RIMBP2: variants seen among roughly 807,000 people sequenced by gnomAD.
The protein encoded by RIMBP2 is RIMS binding protein 2, also known as RIMS-binding protein 2.
Under a neutral mutation model 118.6 loss-of-function variants are expected in RIMBP2, and 48 were observed. The observed-to-expected ratio is 0.40, with a 90% confidence interval of 0.32 to 0.51. The LOEUF is 0.51. Ranked by LOEUF, RIMBP2 falls within the 20% of genes least tolerant of loss-of-function variation. The pLI is 0.41. For missense variants in RIMBP2, 1,551 were observed against 1,768.3 expected (o/e 0.88, Z 2.20); for synonymous variants, 762 against 742.9 (o/e 1.03, Z -0.42).
At chr12:130,547,831 G>A (rs955860827) in intron 2 of RIMBP2, among the ~76,000 whole-genome samples, 5 of 152,172 alleles carry the variant, frequency 3.3e-5, no homozygotes, top group South Asian at 2.1e-4. Flanking sequence ...CAGTGAAGAC[G>A]GATTAGAGAA....
intron 2 of RIMBP2, among the ~76,000 whole-genome samples, chr12:130,587,124 A>C (rs1235917610): frequency 6.7e-6 from 1 of 149,724 alleles, no homozygotes; most frequent in Non-Finnish European, 1.5e-5. Flanking sequence ...CAAAACCACA[A>C]TGAGATACCA....
At chr12:130,554,426 A>C (rs1209893863) in intron 2 of RIMBP2, among the ~76,000 whole-genome samples, 1 of 152,214 alleles carries the variant, frequency 6.6e-6, no homozygotes, top group Non-Finnish European at 1.5e-5. Context: ...TAGAGAGTGC[A>C]TCTGAACTAG....
Position 130,438,490 on chromosome 12 carries a change from T to C in RIMBP2, c.1531A>G (p.Thr511Ala), listed in dbSNP as rs765724606. ...GCGGGGGTCACCCCAGCCTGGACGG[T>C]AACATCTTGTGGGGGTGCTGGGGGT... ...AGPPAPPQDVTVQAGVTPATI... is the reference protein window; with the variant it reads ...AGPPAPPQDVAVQAGVTPATI... The change falls in exon 12 of 23, where the codon ACC (threonine) becomes GCC (alanine). Residue 511 changes from threonine (T) to alanine (A), a missense_variant. Physicochemically the swap from Thr to Ala is moderately conservative, Grantham distance 58 (BLOSUM62 0). This residue lies in a region of RIMBP2 where 1,038 missense variants were observed against 1,125.1 expected (regional missense o/e 0.92). Transcript: ENST00000690449. 6.2e-7 allele frequency: 1 copy of C among 1,608,546 alleles called. No homozygotes were observed. The highest frequency in any genetic ancestry group is 8.5e-7 in the Non-Finnish European group (1 of 1,177,412).
chr12:130,571,100 A>G (rs959701965), intron 2 of RIMBP2, among the ~76,000 whole-genome samples: 2 of 151,900 alleles, frequency 1.3e-5, no homozygotes, highest in African/African-American at 4.8e-5. Context: ...GGAAGGGGCT[A>G]ATCCATGGCG....
chr12:130,606,727 C>T lies in RIMBP2; in HGVS notation c.-217+21595G>A, dbSNP rs111686387. ...CCTCCTCCTCACCTTCTAAATATGA[C>T]CTGTGTGAAGAATTCTGCCCTGGTC... On this transcript the variant is annotated intron_variant, in intron 2 of 22. Coordinates refer to ENST00000690449, the MANE Select transcript of RIMBP2 (RefSeq NM_001393629.1). Among the ~76,000 whole-genome samples, 1,284 of 152,286 alleles carry T rather than the reference C, an allele frequency of 8.4e-3. 18 individuals carry two copies. The highest frequency in any genetic ancestry group is 0.029 in the African/African-American group (1,222 of 41,552).
chr12:130,573,401 T>C (rs539608886), intron 2 of RIMBP2, among the ~76,000 whole-genome samples: 251 of 150,980 alleles, frequency 1.7e-3, no homozygotes, highest in African/African-American at 6.0e-3. Context: ...CGCGTGTGTG[T>C]GCGACTGTGT....
rs947146763 is a variant in RIMBP2 at position 130,441,918 on chromosome 12, C to T, written c.1434G>A (p.Met478Ile). 1 of 1,613,964 alleles carries T rather than the reference C, an allele frequency of 6.2e-7. No individual in the cohort carries two copies. Among genetic ancestry groups the T allele is most frequent in the African/African-American group, 1.3e-5 (1 of 75,080 alleles). ...TTTGCTCCAGCGGGAGCTGCCACGG[C>T]ATCTGGTGGGGTTTGGCCAGAACCT... ...KVKVLAKPHQ[M>I]PWQLPLEQRE... The change falls in exon 11 of 23, where the codon ATG becomes ATA. Residue 478 changes from methionine (M) to isoleucine (I), a missense_variant. This residue lies in a region of RIMBP2 where 1,038 missense variants were observed against 1,125.1 expected (regional missense o/e 0.92). Coordinates refer to ENST00000690449, the MANE Select transcript of RIMBP2 (RefSeq NM_001393629.1).
At chr12:130,585,095 G>A (rs1458125439) in intron 2 of RIMBP2, among the ~76,000 whole-genome samples, 4 of 152,086 alleles carry the variant, frequency 2.6e-5, no homozygotes, top group African/African-American at 9.7e-5. Flanking sequence ...TCGCTCTGTT[G>A]CCCAGGCTGA....
At position 130,693,760 on chromosome 12, in the gene RIMBP2, A is replaced by G. The variant is rs150983216; in HGVS notation, c.-352+22462T>C. On this transcript the variant is annotated intron_variant, in intron 1 of 22. Transcript: ENST00000690449. ...CAACCAGTGAGTGTAAGCAGAAGTC[A>G]CTGAAAGGCGTCGTTCCCAAGAAGG... Among the ~76,000 whole-genome samples the G allele has an allele frequency of 2.4e-4, 37 of 152,342 alleles. No homozygotes were observed. In the East Asian group the frequency reaches 6.2e-3, roughly 25 times the overall value.
Position 130,437,139 on chromosome 12 carries a change from C to T in RIMBP2, c.1809G>A (p.Leu603=). 1 of 1,581,876 alleles carries T rather than the reference C, an allele frequency of 6.3e-7. No individual in the cohort carries two copies. Among genetic ancestry groups the T allele is most frequent in the Non-Finnish European group, 8.6e-7 (1 of 1,163,202 alleles). ...SAVAAVPPEL[L]VPPTPHPRPA... is the part of the protein sequence containing the mutation. ...GTCTCGGGTGGGGGGTAGGAGGCAC[C>T]AGGAGCTCGGGGGGAACGGCAGCAA... The change falls in exon 13 of 23, where the codon CTG becomes CTA. Residue 603 remains leucine, a synonymous_variant. Coordinates refer to ENST00000690449, the MANE Select transcript of RIMBP2 (RefSeq NM_001393629.1).
chr12:130,589,712 T>A (rs2059138753), intron 2 of RIMBP2, among the ~76,000 whole-genome samples: 1 of 152,260 alleles, frequency 6.6e-6, no homozygotes, highest in South Asian at 2.1e-4. Flanking sequence ...TGTACCCTTA[T>A]AGACATTATT....
chr12:130,556,824 G>A (rs1203835162), intron 2 of RIMBP2, among the ~76,000 whole-genome samples: 1 of 152,186 alleles, frequency 6.6e-6, no homozygotes, highest in Non-Finnish European at 1.5e-5. Context: ...AAGGGGGTCA[G>A]GATGAGATGT....
At chr12:130,700,584 G>A (rs1231786110) in intron 1 of RIMBP2, among the ~76,000 whole-genome samples, 2 of 152,192 alleles carry the variant, frequency 1.3e-5, no homozygotes, top group East Asian at 3.9e-4. Context: ...CAGAGGTGGG[G>A]GCAGGGGGCT....
In RIMBP2 at chr12:130,584,355, CCACCAT is replaced by C. The variant is rs138370725; in HGVS notation, c.-217+43961_-217+43966del. Reference sequence around the variant, plus strand: ...CCTCATCACCACCATCACCTCACCACCACCATCACCATCACCTCACCACCATCACCA... The same window carrying C: ...CCTCATCACCACCATCACCTCACCACCACCATCACCTCACCACCATCACCA... On this transcript the variant is annotated intron_variant, in intron 2 of 22. Coordinates refer to ENST00000690449, the MANE Select transcript of RIMBP2 (RefSeq NM_001393629.1). 2.0e-4 allele frequency among the ~76,000 whole-genome samples: 6 copies of C among 30,316 alleles called. 1 individual carries two copies. The highest frequency in any genetic ancestry group is 2.0e-4 in the Non-Finnish European group (2 of 10,128). The allele number at this position is 30,316 out of a possible 152,430, so 19.9% of individuals were successfully genotyped here.
chr12:130,684,052 T>A (rs1455259751), intron 1 of RIMBP2, among the ~76,000 whole-genome samples: 1 of 151,762 alleles, frequency 6.6e-6, no homozygotes, highest in Non-Finnish European at 1.5e-5. Flanking sequence ...TAAGAAACAT[T>A]TACATCTGTT....
rs761698888 is a variant in RIMBP2 at position 130,414,270 on chromosome 12, T to C, written c.3275A>G (p.Tyr1092Cys). 1.4e-5 allele frequency: 22 copies of C among 1,609,710 alleles called. No homozygotes were observed. The highest frequency in any genetic ancestry group is 1.6e-5 in the Non-Finnish European group (19 of 1,177,318). ...ACCAGGGTCAGTTTCTGACTCTTCA[T>C]AGAAGTCTGGAGAAAGGCGGTCTCG... ...YGRDRLSPDFYEESETDPGAE... is the reference protein window; with the variant it reads ...YGRDRLSPDFCEESETDPGAE... Residue 1092 changes from tyrosine (Y) to cysteine (C), a missense_variant, in exon 18 of 23, where the codon TAT (tyrosine) becomes TGT (cysteine). By Grantham distance (194) the Tyr-to-Cys change is radical (BLOSUM62 -2). Around this residue, in one of 5 missense-constraint regions of RIMBP2, gnomAD observed 1,038 missense variants for 1,125.1 expected, o/e 0.92. Coordinates refer to ENST00000690449, the MANE Select transcript of RIMBP2 (RefSeq NM_001393629.1).
At chr12:130,676,622 CAAAAAA>C in intron 1 of RIMBP2, among the ~76,000 whole-genome samples, 1 of 134,392 alleles carries the variant, frequency 7.4e-6, no homozygotes, top group Middle Eastern at 3.7e-3. Flanking sequence ...GAGTCTGTCT[CAAAAAA>C]AAAAAGAAAA....
intron 1 of RIMBP2, among the ~76,000 whole-genome samples, chr12:130,705,581 A>G (rs2066068943): frequency 6.6e-6 from 1 of 152,036 alleles, no homozygotes; most frequent in Non-Finnish European, 1.5e-5. Context: ...CTAACGAACA[A>G]CTCAGCACAG....
At chr12:130,538,361 G>A (rs1385662744) in intron 2 of RIMBP2, among the ~76,000 whole-genome samples, 3 of 151,628 alleles carry the variant, frequency 2.0e-5, no homozygotes, top group Admixed American at 6.6e-5. Flanking sequence ...AGCCGTAAAC[G>A]TCCGTATGTT....
Sources: allele counts gnomAD v4.1 joint callset (sites outside exome capture counted in the v4.1 genomes callset), GRCh38; gene constraint gnomAD v4.1.1; regional missense constraint gnomAD v4.1.1; transcripts MANE v1.5; gene names NCBI Gene and HGNC (gene_info 2026-07-23, HGNC 2026-07-21).